TAB2: variants seen among roughly 807,000 people sequenced by gnomAD.
TAB2 encodes TGF-beta activated kinase 1 (MAP3K7) binding protein 2.
A neutral mutation model predicts 65.0 loss-of-function variants in TAB2; 3 were observed. The observed-to-expected ratio is 0.05, with a 90% CI of 0.02 to 0.12. TAB2 has a LOEUF of 0.12. TAB2 is among the 10% of genes least tolerant of loss of function. The pLI, the probability that TAB2 is intolerant of heterozygous loss-of-function variation, is 1.00. For missense variants in TAB2, 623 were observed against 840.3 expected (o/e 0.74, Z 3.20); for synonymous variants, 298 against 285.1 (o/e 1.05, Z -0.46).
intron 1 of TAB2, among the ~76,000 whole-genome samples, chr6:149,323,953 C>CTACT (rs1779527051): frequency 6.6e-6 from 1 of 151,870 alleles, no homozygotes; most frequent in Non-Finnish European, 1.5e-5. Context: ...CAATAACTGT[C>CTACT]TACTACAGGA....
At position 149,367,966 on chromosome 6, in the gene TAB2, A is replaced by G. The variant is rs1024105310; in HGVS notation, c.-89-1943A>G. ...CAGTTGGATATGTTAGTCTCAAGGA[A>G]GAGATTGGAGTTGGAGATAATAATT... On this transcript the variant is annotated intron_variant, in intron 1 of 6. Coordinates refer to ENST00000637181, the MANE Select transcript of TAB2 (RefSeq NM_001292034.3). Among the ~76,000 whole-genome samples the G allele has an allele frequency of 2.6e-5, 4 of 152,180 alleles. No individual in the cohort carries two copies. In the East Asian group the frequency reaches 7.7e-4, roughly 29 times the overall value.
intron 3 of TAB2, among the ~76,000 whole-genome samples, chr6:149,386,364 A>T (rs1267406730): frequency 6.6e-6 from 1 of 152,164 alleles, no homozygotes; most frequent in African/African-American, 2.4e-5. Flanking sequence ...ATTCACTGAT[A>T]TGTGCAGCCA....
intron 1 of TAB2, among the ~76,000 whole-genome samples, chr6:149,345,269 C>T (rs991275825): frequency 2.6e-5 from 4 of 151,982 alleles, no homozygotes; most frequent in African/African-American, 9.7e-5. Context: ...ATGGATGGAC[C>T]TACATATATA....
At chr6:149,349,085 A>T (rs1257141240) in intron 1 of TAB2, among the ~76,000 whole-genome samples, 1 of 152,076 alleles carries the variant, frequency 6.6e-6, no homozygotes, top group Non-Finnish European at 1.5e-5. Flanking sequence ...AAGTTTGCTT[A>T]TGGAAGGGAG....
upstream of TAB2, chr6:149,218,211 TC>T (rs1042695742): frequency 1.3e-5 from 2 of 152,238 alleles, no homozygotes; most frequent in Non-Finnish European, 2.9e-5. Flanking sequence ...CCTCAATGGC[TC>T]TTGTTTGACA....
At chr6:149,351,756 C>T (rs1031624623) in intron 1 of TAB2, among the ~76,000 whole-genome samples, 2 of 152,174 alleles carry the variant, frequency 1.3e-5, no homozygotes, top group African/African-American at 4.8e-5. Context: ...AGAATTTATA[C>T]TTAGCCAGCT....
chr6:149,350,435 A>G (rs1372712998), intron 1 of TAB2, among the ~76,000 whole-genome samples: 2 of 152,082 alleles, frequency 1.3e-5, no homozygotes. Context: ...TACAGAAAAA[A>G]TTATTACCGC....
intron 1 of TAB2, among the ~76,000 whole-genome samples, chr6:149,262,980 T>G (rs1434425152): frequency 2.6e-5 from 4 of 152,022 alleles, no homozygotes; most frequent in African/African-American, 9.7e-5. Context: ...ATTTTTTTTA[T>G]TTTTTATAGA....
chr6:149,410,968 TTTA>T lies in TAB2; in HGVS notation c.*1251_*1253del, dbSNP rs1782837111. On this transcript the variant is annotated 3_prime_UTR_variant, in exon 7 of 7. Coordinates refer to ENST00000637181, the MANE Select transcript of TAB2 (RefSeq NM_001292034.3). ...TGACTTGGTGACAGTATCATGTGTA[TTTA>T]TAAAACAAGGCTAGCCATATTTAGG... 1 of 152,564 alleles carries T rather than the reference TTTA, an allele frequency of 6.6e-6. No homozygotes were observed. The highest frequency in any genetic ancestry group is 1.9e-4 in the East Asian group (1 of 5,192). 9.5% of individuals were successfully genotyped at this position (152,564 alleles called of 1,614,324 possible).
At chr6:149,305,621 A>C (rs1215060655) in intron 1 of TAB2, among the ~76,000 whole-genome samples, 1 of 152,200 alleles carries the variant, frequency 6.6e-6, no homozygotes, top group East Asian at 1.9e-4. Flanking sequence ...AATAGAACAC[A>C]AAGTTCTTTG....
intron 1 of TAB2, among the ~76,000 whole-genome samples, chr6:149,261,818 A>C (rs1778158945): frequency 6.6e-6 from 1 of 152,242 alleles, no homozygotes; most frequent in African/African-American, 2.4e-5. Flanking sequence ...AATCAACTAC[A>C]TGAATCAGGC....
chr6:149,278,786 A>C (rs1562398247), intron 1 of TAB2, among the ~76,000 whole-genome samples: 1 of 152,058 alleles, frequency 6.6e-6, no homozygotes, highest in Non-Finnish European at 1.5e-5. Context: ...AAATGAAAGA[A>C]TGAAAGAAGG....
At chr6:149,352,396 C>T (rs1170002417) in intron 1 of TAB2, among the ~76,000 whole-genome samples, 1 of 151,980 alleles carries the variant, frequency 6.6e-6, no homozygotes, top group African/African-American at 2.4e-5. Context: ...TTTTTCTTCC[C>T]CTAGTTATTT....
intron 1 of TAB2, among the ~76,000 whole-genome samples, chr6:149,359,304 G>GGTA (rs1323817589): frequency 1.3e-5 from 2 of 152,066 alleles, no homozygotes; most frequent in African/African-American, 4.8e-5. Flanking sequence ...GGAATCCTAT[G>GGTA]GTATCACCAG....
chr6:149,294,004 TAAGTG>T (rs1409469322), intron 1 of TAB2, among the ~76,000 whole-genome samples: 1 of 152,136 alleles, frequency 6.6e-6, no homozygotes, highest in African/African-American at 2.4e-5. Flanking sequence ...TTTAAAGTTA[TAAGTG>T]AAGAGCTAAA....
At chr6:149,242,222 T>C (rs1777613347) in intron 1 of TAB2, among the ~76,000 whole-genome samples, 1 of 152,220 alleles carries the variant, frequency 6.6e-6, no homozygotes, top group African/African-American at 2.4e-5. Context: ...TCTCTAGCTG[T>C]ATTGGTTTCA....
chr6:149,268,473 T>G (rs767428070), intron 1 of TAB2, among the ~76,000 whole-genome samples: 1 of 152,092 alleles, frequency 6.6e-6, no homozygotes. Flanking sequence ...ACCACATTTA[T>G]AGAGAGAGAG....
chr6:149,278,618 TA>T (rs1380234252), intron 1 of TAB2, among the ~76,000 whole-genome samples: 1 of 152,098 alleles, frequency 6.6e-6, no homozygotes, highest in African/African-American at 2.4e-5. Context: ...GGGAGTTACT[TA>T]AGGTCAAAGG....
chr6:149,342,995 A>G (rs71568272), intron 1 of TAB2, among the ~76,000 whole-genome samples: 6,933 of 152,310 alleles, frequency 0.046, 195 homozygotes, highest in Non-Finnish European at 0.07. Context: ...TGAGTTTAAC[A>G]TACCTTTTGC....
Sources: gnomAD v4.1 joint callset for allele counts (sites outside exome capture counted in the v4.1 genomes callset) on GRCh38, gnomAD v4.1.1 for gene constraint, MANE v1.5 for transcripts, NCBI Gene and HGNC (gene_info 2026-07-23, HGNC 2026-07-21) for gene names.